The following EML6 variants were observed in gnomAD, a reference collection of about 807,000 sequenced individuals.
EML6 encodes echinoderm microtubule-associated protein-like 6.
EML6 carries 154 observed loss-of-function variants against 240.1 expected under a neutral mutation model. The ratio of observed to expected loss-of-function variants is 0.64; its 90% CI spans 0.56 to 0.73. EML6 has a LOEUF of 0.73. Ranked by LOEUF, EML6 falls within the 30% of genes least tolerant of loss-of-function variation. The pLI, the probability that EML6 is intolerant of heterozygous loss-of-function variation, is 0.00. For synonymous variants in EML6, 1,148 were observed against 899.0 expected (o/e 1.28, Z -4.95); for missense variants, 2,964 against 2,474.6 (o/e 1.20, Z -4.20).
intron 5 of EML6, among the ~76,000 whole-genome samples, chr2:54,825,424 A>G (rs1184174547): frequency 1.3e-5 from 2 of 151,952 alleles, no homozygotes; most frequent in East Asian, 3.9e-4. Flanking sequence ...GTGTGCTACC[A>G]CTCCAGGCTA....
chr2:54,787,890 C>G (rs1445965716), intron 2 of EML6, among the ~76,000 whole-genome samples: 1 of 152,012 alleles, frequency 6.6e-6, no homozygotes, highest in African/African-American at 2.4e-5. Context: ...ATTTGAAACC[C>G]GGTTGTACAC....
intron 16 of EML6, among the ~76,000 whole-genome samples, chr2:54,878,279 C>G (rs1280630207): frequency 6.6e-6 from 1 of 152,158 alleles, no homozygotes; most frequent in African/African-American, 2.4e-5. Context: ...ACTGGCAGAA[C>G]TGGAAGAGGC....
chr2:54,812,229 G>T (rs1667883048), intron 2 of EML6, among the ~76,000 whole-genome samples: 1 of 151,722 alleles, frequency 6.6e-6, no homozygotes, highest in Non-Finnish European at 1.5e-5. Context: ...GAAGTAATTT[G>T]TCCAAAGAAC....
intron 17 of EML6, among the ~76,000 whole-genome samples, chr2:54,883,634 A>AG (rs1671960589): frequency 6.6e-6 from 1 of 152,168 alleles, no homozygotes; most frequent in Non-Finnish European, 1.5e-5. Context: ...ATCCAGTGTT[A>AG]GGACAGCAGC....
At chr2:54,794,856 T>G (rs987046561) in intron 2 of EML6, among the ~76,000 whole-genome samples, 2 of 152,236 alleles carry the variant, frequency 1.3e-5, no homozygotes, top group African/African-American at 4.8e-5. Context: ...AATTTGTAGC[T>G]TCAGTAGGTT....
At chr2:54,865,094 A>T (rs1049257671) in intron 13 of EML6, among the ~76,000 whole-genome samples, 4 of 152,204 alleles carry the variant, frequency 2.6e-5, no homozygotes, top group Non-Finnish European at 5.9e-5. Context: ...ACAATATTAT[A>T]CTCTGGTATC....
At chr2:54,895,740 C>T (rs1345892282) in intron 21 of EML6, among the ~76,000 whole-genome samples, 1 of 152,136 alleles carries the variant, frequency 6.6e-6, no homozygotes, top group Non-Finnish European at 1.5e-5. Flanking sequence ...ATGTTGTTGG[C>T]AGAATTAAGT....
intron 3 of EML6, among the ~76,000 whole-genome samples, chr2:54,815,297 A>AT (rs1668033753): frequency 6.6e-6 from 1 of 152,208 alleles, no homozygotes; most frequent in African/African-American, 2.4e-5. Flanking sequence ...TATGTTAGCC[A>AT]TGGTGGATTT....
chr2:54,816,696 G>T (rs1394114923), intron 3 of EML6, 91 bp from the exon 4 acceptor site: 12 of 1,014,852 alleles, frequency 1.2e-5, no homozygotes, highest in Admixed American at 2.0e-5. Flanking sequence ...GAAATTCAAT[G>T]CCTAACCCAT....
At chr2:54,799,694 G>C (rs1670016099) in intron 2 of EML6, among the ~76,000 whole-genome samples, 1 of 152,152 alleles carries the variant, frequency 6.6e-6, no homozygotes, top group East Asian at 1.9e-4. Context: ...TTGCAACAGA[G>C]ACCATATGAC....
chr2:54,849,590 G>A (rs970965352), intron 9 of EML6, among the ~76,000 whole-genome samples: 2 of 152,136 alleles, frequency 1.3e-5, no homozygotes, highest in African/African-American at 4.8e-5. Context: ...CCAGGTTCAC[G>A]CCATTCTCCT....
At position 54,928,422 on chromosome 2, in the gene EML6, C is replaced by G; in HGVS notation, c.3785C>G (p.Ala1262Gly). ...CTCACGGTGGGCGGCGCCGACACAG[C>G]CCTGATGATCTGGACCAGGGAGTTT... Reference protein sequence around the residue: ...VLLTVGGADTALMIWTREFVG... With the variant: ...VLLTVGGADTGLMIWTREFVG... Residue 1262 changes from alanine to glycine, a missense_variant, in exon 27 of 42, where the codon GCC (alanine) becomes GGC (glycine). Coordinates refer to ENST00000356458, the MANE Select transcript of EML6 (RefSeq NM_001039753.4). The G allele has an allele frequency of 6.5e-7, 1 of 1,545,660 alleles. No individual in the cohort carries two copies.
At chr2:54,811,792 A>C (rs1449007126) in intron 2 of EML6, among the ~76,000 whole-genome samples, 1 of 152,190 alleles carries the variant, frequency 6.6e-6, no homozygotes, top group Non-Finnish European at 1.5e-5. Flanking sequence ...GGTGTGTCTC[A>C]ACAAAATTGA....
chr2:54,868,250 A>G (rs1413304917), intron 14 of EML6: 3 of 152,182 alleles, frequency 2.0e-5, no homozygotes, highest in Non-Finnish European at 4.4e-5. Flanking sequence ...CTCCATTAAC[A>G]GTTTATTTGA....
chr2:54,948,578 C>A (rs549876525), intron 28 of EML6, among the ~76,000 whole-genome samples: 1 of 152,334 alleles, frequency 6.6e-6, no homozygotes, highest in South Asian at 2.1e-4. Context: ...CCTCTTGTTT[C>A]AAGCCCACAT....
rs1286026173 is a variant in EML6, at chr2:54,868,938, A to G, written c.2052-243A>G. The G allele has an allele frequency of 6.9e-6, 3 of 436,566 alleles. No homozygotes were observed. In the East Asian group the frequency reaches 1.0e-4, roughly 15 times the overall value. The allele number at this position is 436,566 out of a possible 1,614,324, so 27.0% of individuals were successfully genotyped here. A position where few individuals can be genotyped will look rare whatever the true frequency, so the allele number is the denominator to read the frequency against. ...TGATCGTTTTTAAGAAAAAGCGCAC[A>G]CAACAGCTGAGGATCTGCTAACAGA... On this transcript the variant is annotated intron_variant, in intron 14 of 41. Transcript: ENST00000356458.
intron 11 of EML6, among the ~76,000 whole-genome samples, chr2:54,857,000 T>C (rs1011587118): frequency 2.0e-5 from 3 of 152,174 alleles, no homozygotes; most frequent in African/African-American, 7.2e-5. Flanking sequence ...ACAGATGGAC[T>C]GGATATGAGA....
rs1190934642 is a variant in EML6, at chr2:54,917,359, T to G, written c.3675+424T>G. The stretch of plus-strand genomic sequence containing the variant: ...TTCTCTTCTTCCCTTTTTTTTTTTG[T>G]TTTTTTTTTTTTTTTTGTTTTTTGA... On this transcript the variant is annotated intron_variant, in intron 26 of 41. Transcript: ENST00000356458. 0.013 allele frequency among the ~76,000 whole-genome samples: 310 copies of G among 23,084 alleles called. 1 individual carries two copies. In the African/African-American group the frequency reaches 0.16, roughly 12 times the overall value. 15.1% of individuals were successfully genotyped at this position (23,084 alleles called of 152,430 possible).
intron 2 of EML6, among the ~76,000 whole-genome samples, chr2:54,746,258 C>T (rs1683904765): frequency 6.6e-6 from 1 of 152,146 alleles, no homozygotes; most frequent in South Asian, 2.1e-4. Flanking sequence ...ATTCAACATG[C>T]CCAAGATGCC....
Sources: allele counts gnomAD v4.1 joint callset (sites outside exome capture counted in the v4.1 genomes callset), GRCh38; gene constraint gnomAD v4.1.1; transcripts MANE v1.5; gene names NCBI Gene and HGNC (gene_info 2026-07-23, HGNC 2026-07-21).